The following DDO variants were observed in gnomAD, a reference collection of about 807,000 sequenced individuals.
DDO encodes D-aspartate oxidase, DDO.
In DDO, 16 loss-of-function variants were observed where a neutral mutation model predicts 16.8. The ratio of observed to expected loss-of-function variants is 0.95; its 90% CI spans 0.65 to 1.45. The LOEUF is 1.45. Among genes scored for constraint, DDO ranks in the 40% most tolerant of loss-of-function variants. DDO has a pLI of 0.00. For synonymous variants in DDO, 180 were observed against 167.2 expected, an observed-to-expected ratio of 1.08 and a Z score of -0.59; for missense variants, 429 against 420.3, an observed-to-expected ratio of 1.02 and a Z score of -0.18.
chr6:110,398,429 T>TACACACACAAACACACCA lies in DDO; in HGVS notation c.459-5088_459-5087insTGGTGTGTTTGTGTGTGT, dbSNP rs1222174948. ...ACACACACACACACACACACACACT[T>TACACACACAAACACACCA]GGCCTCCCAGGAGCAGAGTCCCCTC... On this transcript the variant is annotated intron_variant, in intron 4 of 4. Coordinates refer to ENST00000368924, the MANE Select transcript of DDO (RefSeq NM_001372108.2). 1.4e-3 allele frequency among the ~76,000 whole-genome samples: 202 copies of TACACACACAAACACACCA among 144,856 alleles called. 3 individuals are homozygous for TACACACACAAACACACCA. The highest frequency in any genetic ancestry group is 5.1e-3 in the African/African-American group (193 of 37,802).
chr6:110,390,669 A>C (rs1274163241), downstream of DDO, among the ~76,000 whole-genome samples: 2 of 152,248 alleles, frequency 1.3e-5, no homozygotes, highest in Non-Finnish European at 2.9e-5. Context: ...GGCATAGTGA[A>C]CAAAGGAGTA....
At chr6:110,401,043 T>G (rs763563) in intron 4 of DDO, among the ~76,000 whole-genome samples, 54,037 of 152,160 alleles carry the variant, frequency 0.36, 10,163 homozygotes, top group East Asian at 0.52. Context: ...TGCCACTGTG[T>G]GCACCCCGGA....
chr6:110,388,373 A>G (rs4945857), downstream of DDO, among the ~76,000 whole-genome samples: 113,333 of 152,194 alleles, frequency 0.74, 42,936 homozygotes, highest in African/African-American at 0.88. Context: ...GAAAGTCCTG[A>G]AACAGGTTTC....
At chr6:110,396,694 T>TGTTC (rs199955612) in intron 4 of DDO, among the ~76,000 whole-genome samples, 3,956 of 131,222 alleles carry the variant, frequency 0.03, 161 homozygotes, top group African/African-American at 0.093. Flanking sequence ...GCTACTGTTT[T>TGTTC]GTTTGTTTGT....
Position 110,392,579 on chromosome 6 carries a change from C to A in DDO, c.*196G>T, listed in dbSNP as rs1773132265. The stretch of plus-strand genomic sequence containing the variant: ...ATTGCACTCAAACTCCTGGGCTCAA[C>A]AATCCTCCTGCCTCAGCCTCTCAAG... On this transcript the variant is annotated 3_prime_UTR_variant, in exon 5 of 5. Coordinates refer to ENST00000368924, the MANE Select transcript of DDO (RefSeq NM_001372108.2). The A allele has an allele frequency of 8.0e-7, 1 of 1,250,082 alleles. No individual in the cohort carries two copies. The highest frequency in any genetic ancestry group is 1.0e-6 in the Non-Finnish European group (1 of 999,018). The allele number at this position is 1,250,082 out of a possible 1,614,324, so 77.4% of individuals were successfully genotyped here.
intron 4 of DDO, among the ~76,000 whole-genome samples, chr6:110,394,866 A>G (rs1042825969): frequency 6.6e-6 from 1 of 152,256 alleles, no homozygotes; most frequent in Non-Finnish European, 1.5e-5. Flanking sequence ...AACTTTGAAC[A>G]GTCGTCAATC....
Position 110,392,693 on chromosome 6 carries a change from T to C in DDO, c.*82A>G. On this transcript the variant is annotated 3_prime_UTR_variant, in exon 5 of 5. Transcript: ENST00000368924. Reference sequence around the variant, plus strand: ...AACAAAGAAATGTCTAATTAAACTTTCATGCAGTGGAAAAGTTATTTGAAC... The same window carrying C: ...AACAAAGAAATGTCTAATTAAACTTCCATGCAGTGGAAAAGTTATTTGAAC... The C allele has an allele frequency of 6.9e-7, 1 of 1,442,942 alleles. No homozygotes were observed. Among genetic ancestry groups the C allele is most frequent in the Non-Finnish European group, 9.1e-7 (1 of 1,101,726 alleles). 89.4% of individuals were successfully genotyped at this position (1,442,942 alleles called of 1,614,324 possible). A position where few individuals can be genotyped will look rare whatever the true frequency, so the allele number is the denominator to read the frequency against.
intron 2 of DDO, among the ~76,000 whole-genome samples, chr6:110,408,965 C>T (rs1773756774): frequency 6.6e-6 from 1 of 152,214 alleles, no homozygotes; most frequent in Admixed American, 6.5e-5. Flanking sequence ...GTTCCAGGGG[C>T]TTGCCTCCTG....
At chr6:110,406,775 C>T (rs1430449502) in intron 3 of DDO, among the ~76,000 whole-genome samples, 2 of 141,554 alleles carry the variant, frequency 1.4e-5, no homozygotes, top group African/African-American at 2.5e-5. Flanking sequence ...ACCAGACTAA[C>T]TTACACTCTT....
chr6:110,400,401 G>T (rs1773447039), intron 4 of DDO, among the ~76,000 whole-genome samples: 1 of 144,378 alleles, frequency 6.9e-6, no homozygotes, highest in Non-Finnish European at 1.5e-5. Flanking sequence ...CCCCCGCAGA[G>T]GAGGACGCTG....
chr6:110,411,977 A>T (rs1355849483), intron 2 of DDO, among the ~76,000 whole-genome samples: 1 of 152,232 alleles, frequency 6.6e-6, no homozygotes, highest in African/African-American at 2.4e-5. Flanking sequence ...TTGGTGGGGC[A>T]TGCCAGCAGA....
Position 110,392,745 on chromosome 6 carries a change from C to T in DDO, c.*30G>A, listed in dbSNP as rs1291977533. ...TGTTCTGTGCTTTGATCAACAGTCTCTCAGTCTCTTTGCTGTCATTTTATG... is the reference window on the plus strand; with the variant it reads ...TGTTCTGTGCTTTGATCAACAGTCTTTCAGTCTCTTTGCTGTCATTTTATG... On this transcript the variant is annotated 3_prime_UTR_variant, in exon 5 of 5. Transcript: ENST00000368924. 3.3e-6 allele frequency: 5 copies of T among 1,509,716 alleles called. No individual in the cohort carries two copies. The East Asian group carries it at 6.8e-5, about 21-fold the overall frequency. The allele number at this position is 1,509,716 out of a possible 1,614,324, so 93.5% of individuals were successfully genotyped here. A position where few individuals can be genotyped will look rare whatever the true frequency, so the allele number is the denominator to read the frequency against.
chr6:110,414,559 C>T lies in DDO; in HGVS notation c.-5+908G>A, dbSNP rs559322365. Among the ~76,000 whole-genome samples the T allele has an allele frequency of 1.5e-3, 232 of 152,366 alleles. 1 individual carries two copies. Among genetic ancestry groups the T allele is most frequent in the African/African-American group, 5.2e-3 (218 of 41,594 alleles). On this transcript the variant is annotated intron_variant, in intron 1 of 4. Coordinates refer to ENST00000368924, the MANE Select transcript of DDO (RefSeq NM_001372108.2). ...CACCCTCTGTCCCACCCCTCACCCA[C>T]GGAGCCTTGCTCCACTGTCAGCATC...
chr6:110,405,075 C>T (rs1269740241), intron 3 of DDO, 125 bp from the exon 4 acceptor site: 15 of 993,302 alleles, frequency 1.5e-5, no homozygotes, highest in Non-Finnish European at 2.0e-5. Context: ...CTCACTCCAT[C>T]ACCCAGGTGG....
chr6:110,398,764 C>T (rs897531728), intron 4 of DDO, among the ~76,000 whole-genome samples: 6 of 152,130 alleles, frequency 3.9e-5, no homozygotes, highest in Non-Finnish European at 8.8e-5. Flanking sequence ...AGGACTCCCC[C>T]AGAGAAAGTT....
intron 4 of DDO, among the ~76,000 whole-genome samples, chr6:110,401,153 A>G (rs1252638799): frequency 6.6e-6 from 1 of 152,228 alleles, no homozygotes; most frequent in Admixed American, 6.5e-5. Flanking sequence ...CCATGTGAAG[A>G]TGCAGGACTC....
intron 4 of DDO, among the ~76,000 whole-genome samples, chr6:110,399,811 C>T (rs1773415539): frequency 6.6e-6 from 1 of 152,218 alleles, no homozygotes; most frequent in African/African-American, 2.4e-5. Context: ...AGTCTTCCCG[C>T]CGCAGCACAC....
intron 4 of DDO, among the ~76,000 whole-genome samples, chr6:110,395,492 C>T (rs921200373): frequency 2.0e-5 from 3 of 151,830 alleles, no homozygotes; most frequent in Admixed American, 1.3e-4. Context: ...GGTGGCAGAA[C>T]TTTGGCATCT....
chr6:110,397,862 A>T (rs1289651510), intron 4 of DDO, among the ~76,000 whole-genome samples: 7 of 152,204 alleles, frequency 4.6e-5, no homozygotes, highest in Non-Finnish European at 1.0e-4. Context: ...CCCAGTCATT[A>T]TTATGTATCC....
Sources: gnomAD v4.1 joint callset for allele counts (sites outside exome capture counted in the v4.1 genomes callset) on GRCh38, gnomAD v4.1.1 for gene constraint, MANE v1.5 for transcripts, NCBI Gene and HGNC (gene_info 2026-07-23, HGNC 2026-07-21) for gene names.